PRRG1: variants seen among roughly 807,000 people sequenced by gnomAD.
The protein encoded by PRRG1 is transmembrane gamma-carboxyglutamic acid protein 1.
Under a neutral mutation model 11.8 loss-of-function variants are expected in PRRG1, and 5 were observed. That is an observed-to-expected ratio of 0.42 (90% confidence interval 0.22 to 0.89). PRRG1 has a LOEUF of 0.89. PRRG1 is among the 40% of genes least tolerant of loss of function. The pLI, the probability that PRRG1 is intolerant of heterozygous loss-of-function variation, is 0.28. For synonymous variants in PRRG1, 66 were observed against 60.4 expected, an observed-to-expected ratio of 1.09 and a Z score of -0.43; for missense variants, 155 against 166.1, an observed-to-expected ratio of 0.93 and a Z score of 0.37.
intron 1 of PRRG1, among the ~76,000 whole-genome samples, chrX:37,352,768 A>T (rs1004408503): frequency 1.8e-5 from 2 of 111,859 alleles, no homozygotes; most frequent in Non-Finnish European, 3.8e-5. Context: ...AATGATAATT[A>T]TAATACTTAC....
intron 2 of PRRG1, among the ~76,000 whole-genome samples, chrX:37,414,307 C>T (rs893225110): frequency 8.9e-6 from 1 of 111,755 alleles, no homozygotes; most frequent in Non-Finnish European, 1.9e-5. Flanking sequence ...TTTGTCTTTT[C>T]ATTCTCTCGA....
At chrX:37,432,245 G>A (rs1297225407) in intron 3 of PRRG1, among the ~76,000 whole-genome samples, 5 of 110,133 alleles carry the variant, frequency 4.5e-5, no homozygotes, top group South Asian at 3.9e-4. Context: ...CTGCCACCAC[G>A]CCCGGCTAAT....
At chrX:37,397,338 G>A (rs1556378494) in intron 1 of PRRG1, among the ~76,000 whole-genome samples, 1 of 112,202 alleles carries the variant, frequency 8.9e-6, no homozygotes, top group Non-Finnish European at 1.9e-5. Context: ...GATTAAGGTG[G>A]TATGTGAATT....
At chrX:37,410,552 C>T (rs1006374630) in intron 2 of PRRG1, among the ~76,000 whole-genome samples, 14 of 111,876 alleles carry the variant, frequency 1.3e-4, no homozygotes, top group Non-Finnish European at 3.8e-5. Flanking sequence ...GACAGATAGG[C>T]GAAGGGAAAT....
rs1338781171 is a variant in PRRG1 at position 37,399,549 on chromosome X, G to A, written c.-41-6660G>A. Among the ~76,000 whole-genome samples, 37 of 108,681 alleles carry A rather than the reference G, an allele frequency of 3.4e-4. No homozygotes were observed. The East Asian group carries it at 7.8e-3, about 23-fold the overall frequency. The allele number at this position is 108,681 out of a possible 115,157, so 94.4% of individuals were successfully genotyped here. On this transcript the variant is annotated intron_variant, in intron 1 of 3. Transcript: ENST00000378628. ...ATCATGCCAAATTGTAAAGACCATC[G>A]AGACTAGGAAGAAACTGCATCAACT...
intron 3 of PRRG1, among the ~76,000 whole-genome samples, chrX:37,444,807 C>T (rs1020178150): frequency 1.8e-5 from 2 of 111,604 alleles, no homozygotes; most frequent in African/African-American, 3.3e-5. Flanking sequence ...TTTTTGCTGT[C>T]CCACACACAG....
intron 2 of PRRG1, among the ~76,000 whole-genome samples, chrX:37,413,826 G>A (rs1050657694): frequency 1.8e-5 from 2 of 111,583 alleles, no homozygotes; most frequent in African/African-American, 3.2e-5. Flanking sequence ...GTATTTTTAC[G>A]GTAACTATCC....
rs57525064 is a variant in PRRG1 at position 37,356,193 on chromosome X, C to T, written c.-42+6798C>T. On this transcript the variant is annotated intron_variant, in intron 1 of 3. Transcript: ENST00000378628. ...TTCTATACATATACACATAAATATACATATATGTTAAGTGACATGGTGCTG... is the reference window on the plus strand; with the variant it reads ...TTCTATACATATACACATAAATATATATATATGTTAAGTGACATGGTGCTG... 7.4e-3 allele frequency among the ~76,000 whole-genome samples: 825 copies of T among 111,394 alleles called. 10 individuals are homozygous for T. The highest frequency in any genetic ancestry group is 0.025 in the African/African-American group (778 of 30,723).
At chrX:37,438,798 A>C (rs781814925) in intron 3 of PRRG1, among the ~76,000 whole-genome samples, 45 of 111,435 alleles carry the variant, frequency 4.0e-4, no homozygotes, top group Non-Finnish European at 6.8e-4. Context: ...GTTATATTTG[A>C]TAAAGTACAG....
intron 1 of PRRG1, among the ~76,000 whole-genome samples, chrX:37,378,206 T>A (rs1556372946): frequency 8.9e-6 from 1 of 112,122 alleles, no homozygotes; most frequent in African/African-American, 3.2e-5. Context: ...CCAGTTGAAA[T>A]CCTGTTGATT....
chrX:37,405,247 T>C (rs1190530083), intron 1 of PRRG1, among the ~76,000 whole-genome samples: 2 of 111,937 alleles, frequency 1.8e-5, no homozygotes, highest in Non-Finnish European at 3.8e-5. Context: ...AAAACTCATA[T>C]AGTTGAGCCT....
At chrX:37,431,836 C>T (rs781925871) in intron 3 of PRRG1, among the ~76,000 whole-genome samples, 81 of 110,163 alleles carry the variant, frequency 7.4e-4, no homozygotes, top group African/African-American at 2.6e-3. Flanking sequence ...GGTGCAATCT[C>T]GGCTCATGGC....
intron 3 of PRRG1, among the ~76,000 whole-genome samples, chrX:37,434,123 G>A (rs782606787): frequency 8.9e-5 from 10 of 111,798 alleles, no homozygotes; most frequent in Non-Finnish European, 1.3e-4. Context: ...AAAATTTATC[G>A]CTCAGAATAC....
chrX:37,405,278 A>G (rs1932152263), intron 1 of PRRG1, among the ~76,000 whole-genome samples: 1 of 111,992 alleles, frequency 8.9e-6, no homozygotes, highest in African/African-American at 3.2e-5. Context: ...CAAAGAATTT[A>G]TGATAGGAAA....
intron 3 of PRRG1, among the ~76,000 whole-genome samples, chrX:37,447,653 T>C (rs1259491102): frequency 8.9e-6 from 1 of 112,685 alleles, no homozygotes; most frequent in Admixed American, 9.4e-5. Context: ...TCTAATTTTA[T>C]TTCTTTCAAA....
At chrX:37,411,970 G>A (rs1345634785) in intron 2 of PRRG1, among the ~76,000 whole-genome samples, 1 of 111,065 alleles carries the variant, frequency 9.0e-6, no homozygotes, top group Admixed American at 9.6e-5. Flanking sequence ...TCCTCTTCCA[G>A]TATTTAGTCT....
At chrX:37,414,857 G>A (rs1192979153) in intron 2 of PRRG1, among the ~76,000 whole-genome samples, 3 of 112,206 alleles carry the variant, frequency 2.7e-5, no homozygotes, top group Non-Finnish European at 5.6e-5. Flanking sequence ...AATGTTATGT[G>A]CTTCTCTGAT....
chrX:37,349,977 G>C (rs1229654076), intron 1 of PRRG1, among the ~76,000 whole-genome samples: 2 of 105,533 alleles, frequency 1.9e-5, no homozygotes, highest in African/African-American at 7.0e-5. Flanking sequence ...TGACTGTTTT[G>C]TAGGCAGTGG....
chrX:37,380,841 A>G (rs1451547565), intron 1 of PRRG1, among the ~76,000 whole-genome samples: 3 of 111,343 alleles, frequency 2.7e-5, no homozygotes, highest in African/African-American at 9.8e-5. Context: ...CTTTTTAGCT[A>G]TAACCATATA....
Sources: allele counts gnomAD v4.1 joint callset (sites outside exome capture counted in the v4.1 genomes callset), GRCh38; gene constraint gnomAD v4.1.1; transcripts MANE v1.5; gene names NCBI Gene and HGNC (gene_info 2026-07-23, HGNC 2026-07-21).